The following AUTS2 variants were observed in gnomAD, a reference collection of about 807,000 sequenced individuals.
AUTS2 encodes the protein autism susceptibility gene 2 protein.
A neutral mutation model predicts 112.4 loss-of-function variants in AUTS2; 17 were observed. The observed-to-expected ratio is 0.15, with a 90% CI of 0.10 to 0.23. The LOEUF (loss-of-function observed/expected upper bound fraction) is 0.23, where lower values mean the gene tolerates loss of function less well. Among genes scored for constraint, AUTS2 ranks in the 10% least tolerant of loss-of-function variants. The pLI is 1.00. For synonymous variants in AUTS2, 751 were observed against 702.7 expected (o/e 1.07, Z -1.09); for missense variants, 1,510 against 1,701.6 (o/e 0.89, Z 1.98).
At chr7:70,617,434 G>A (rs1804431719) in intron 5 of AUTS2, among the ~76,000 whole-genome samples, 1 of 152,132 alleles carries the variant, frequency 6.6e-6, no homozygotes, top group African/African-American at 2.4e-5. Context: ...AGGCCGAGGT[G>A]GGCGGATCAT....
chr7:69,729,335 AT>A (rs1025598074), intron 1 of AUTS2, among the ~76,000 whole-genome samples: 40 of 118,428 alleles, frequency 3.4e-4, no homozygotes, highest in South Asian at 7.4e-4. Context: ...TTTTAATAGC[AT>A]TTTTTTTTTG....
intron 4 of AUTS2, among the ~76,000 whole-genome samples, chr7:70,191,897 C>G (rs1809915984): frequency 6.7e-6 from 1 of 149,354 alleles, no homozygotes; most frequent in Admixed American, 6.7e-5. Context: ...CCTGTCTCTA[C>G]TAAAAATACA....
At chr7:70,566,915 C>T (rs1801732659) in intron 5 of AUTS2, among the ~76,000 whole-genome samples, 1 of 152,114 alleles carries the variant, frequency 6.6e-6, no homozygotes, top group Non-Finnish European at 1.5e-5. Flanking sequence ...AGCTTAAATT[C>T]CCTGGGAGCT....
chr7:70,465,835 C>T (rs1042442325), intron 5 of AUTS2, among the ~76,000 whole-genome samples: 3 of 152,112 alleles, frequency 2.0e-5, no homozygotes, highest in African/African-American at 7.2e-5. Flanking sequence ...GTCTGTGTAC[C>T]CCCATGCAAG....
chr7:70,518,677 C>G (rs1172371891), intron 5 of AUTS2, among the ~76,000 whole-genome samples: 8 of 146,050 alleles, frequency 5.5e-5, no homozygotes, highest in Admixed American at 5.4e-4. Flanking sequence ...AGTGAGACTC[C>G]GTCTCAAAAA....
At chr7:70,710,586 C>T (rs1031117927) in intron 6 of AUTS2, among the ~76,000 whole-genome samples, 2 of 152,164 alleles carry the variant, frequency 1.3e-5, no homozygotes, top group African/African-American at 2.4e-5. Context: ...TAATTCGATG[C>T]GCAGTCTTCT....
chr7:69,820,356 G>T (rs1790935876), intron 1 of AUTS2, among the ~76,000 whole-genome samples: 1 of 152,220 alleles, frequency 6.6e-6, no homozygotes, highest in Non-Finnish European at 1.5e-5. Context: ...CTCTAAGTTG[G>T]TCCCCAGACA....
intron 2 of AUTS2, among the ~76,000 whole-genome samples, chr7:70,006,781 A>G (rs539403137): frequency 2.9e-4 from 44 of 152,288 alleles, no homozygotes; most frequent in African/African-American, 9.9e-4. Context: ...TTTAATGTCT[A>G]TGGCATTCTT....
chr7:70,241,871 C>T (rs1016889574), intron 4 of AUTS2, among the ~76,000 whole-genome samples: 4 of 152,142 alleles, frequency 2.6e-5, no homozygotes, highest in Admixed American at 6.5e-5. Flanking sequence ...CAGTGCCTGC[C>T]GACTTTGAGA....
intron 1 of AUTS2, among the ~76,000 whole-genome samples, chr7:69,828,145 T>G (rs535769344): frequency 6.6e-6 from 1 of 152,204 alleles, no homozygotes; most frequent in East Asian, 1.9e-4. Flanking sequence ...TTCACTTCCA[T>G]GTGGACTTGA....
At chr7:70,361,219 G>C (rs1391942756) in intron 4 of AUTS2, among the ~76,000 whole-genome samples, 3 of 152,032 alleles carry the variant, frequency 2.0e-5, no homozygotes, top group Admixed American at 2.0e-4. Flanking sequence ...CGTAGTCCCA[G>C]CTACTCGGGA....
At chr7:69,821,494 A>G (rs1163778801) in intron 1 of AUTS2, among the ~76,000 whole-genome samples, 1 of 152,150 alleles carries the variant, frequency 6.6e-6, no homozygotes, top group Non-Finnish European at 1.5e-5. Flanking sequence ...TACCCCAGCC[A>G]GCGGTAGCAA....
At chr7:69,752,032 C>T (rs1787759762) in intron 1 of AUTS2, among the ~76,000 whole-genome samples, 1 of 152,208 alleles carries the variant, frequency 6.6e-6, no homozygotes, top group African/African-American at 2.4e-5. Context: ...TCATCCATCT[C>T]TCTGTCCCTT....
intron 5 of AUTS2, among the ~76,000 whole-genome samples, chr7:70,550,291 CT>C (rs998728206): frequency 2.0e-5 from 3 of 152,160 alleles, no homozygotes; most frequent in African/African-American, 7.2e-5. Context: ...AAGTACAATG[CT>C]TTATAATTAT....
chr7:69,678,904 C>G (rs775818426), intron 1 of AUTS2, among the ~76,000 whole-genome samples: 1 of 152,098 alleles, frequency 6.6e-6, no homozygotes, highest in African/African-American at 2.4e-5. Flanking sequence ...TAGCTTTTGC[C>G]GATAATGCTG....
intron 5 of AUTS2, chr7:70,437,931 T>G (rs551467784): frequency 6.6e-6 from 1 of 151,950 alleles, no homozygotes; most frequent in Non-Finnish European, 1.5e-5. Flanking sequence ...GGTTTTGTGT[T>G]CCTTGTAAAT....
intron 2 of AUTS2, among the ~76,000 whole-genome samples, chr7:70,109,287 G>A (rs1355568961): frequency 6.6e-6 from 1 of 152,108 alleles, no homozygotes; most frequent in Non-Finnish European, 1.5e-5. Context: ...TAAGAAAGCT[G>A]AAAACTGTAC....
At chr7:70,413,425 G>A (rs145129457) in intron 4 of AUTS2, among the ~76,000 whole-genome samples, 6 of 152,248 alleles carry the variant, frequency 3.9e-5, no homozygotes, top group Admixed American at 3.9e-4. Flanking sequence ...GAAAAGTCCT[G>A]GGGAGTCAGA....
intron 4 of AUTS2, among the ~76,000 whole-genome samples, chr7:70,206,730 G>A (rs1313299456): frequency 7.2e-5 from 11 of 152,134 alleles, no homozygotes; most frequent in Admixed American, 2.6e-4. Context: ...AGGTAGTGTT[G>A]ATGTTTCATT....
Sources: allele counts gnomAD v4.1 joint callset (sites outside exome capture counted in the v4.1 genomes callset), GRCh38; gene constraint gnomAD v4.1.1; transcripts MANE v1.5; gene names NCBI Gene and HGNC (gene_info 2026-07-23, HGNC 2026-07-21).